The following ZFPM2 variants were observed in gnomAD, a reference collection of about 807,000 sequenced individuals.
ZFPM2 encodes the protein zinc finger protein, FOG family member 2.
In ZFPM2, 20 loss-of-function variants were observed where a neutral mutation model predicts 98.6. That is an observed-to-expected ratio of 0.20 (90% CI 0.14 to 0.29). The LOEUF (loss-of-function observed/expected upper bound fraction) is 0.29. Among genes scored for constraint, ZFPM2 ranks in the 10% least tolerant of loss-of-function variants. The pLI is 1.00. For missense variants in ZFPM2, 1,310 were observed against 1,388.6 expected (o/e 0.94, Z 0.90); for synonymous variants, 518 against 502.7 (o/e 1.03, Z -0.41).
intron 1 of ZFPM2, among the ~76,000 whole-genome samples, chr8:105,413,690 G>A (rs75237652): frequency 0.021 from 3,146 of 151,686 alleles, 123 homozygotes; most frequent in African/African-American, 0.07. Context: ...ACAGGAGCTG[G>A]CAACTTGGGA....
chr8:105,680,308 C>G (rs1586193818), intron 5 of ZFPM2, among the ~76,000 whole-genome samples: 1 of 152,170 alleles, frequency 6.6e-6, no homozygotes, highest in South Asian at 2.1e-4. Context: ...ACTGGCCTTG[C>G]TTATTTTAAG....
chr8:105,792,088 C>G (rs1813632411), intron 6 of ZFPM2, among the ~76,000 whole-genome samples: 1 of 152,024 alleles, frequency 6.6e-6, no homozygotes, highest in Admixed American at 6.6e-5. Flanking sequence ...TCTCTATTTC[C>G]TTCAGTTCTG....
chr8:105,693,967 C>CT (rs1395033253), intron 5 of ZFPM2, among the ~76,000 whole-genome samples: 1 of 128,054 alleles, frequency 7.8e-6, no homozygotes, highest in Non-Finnish European at 1.7e-5. Flanking sequence ...TTTTTCTTTT[C>CT]TTTTTTTCTT....
chr8:105,552,547 C>G (rs1814880633), intron 3 of ZFPM2, among the ~76,000 whole-genome samples: 1 of 152,126 alleles, frequency 6.6e-6, no homozygotes, highest in African/African-American at 2.4e-5. Flanking sequence ...TGAAAAGTCT[C>G]CAACGACCAC....
At chr8:105,729,582 C>T (rs983186491) in intron 5 of ZFPM2, among the ~76,000 whole-genome samples, 2 of 151,604 alleles carry the variant, frequency 1.3e-5, no homozygotes, top group Non-Finnish European at 1.5e-5. Flanking sequence ...AACAACATTA[C>T]GCTAAGCATT....
chr8:105,795,738 T>G (rs1813784982), intron 6 of ZFPM2: 1 of 430,880 alleles, frequency 2.3e-6, no homozygotes, highest in Non-Finnish European at 4.5e-6. Flanking sequence ...TAACTTAGTT[T>G]GTATTTTTGT....
At chr8:105,660,178 G>T (rs373682164) in intron 5 of ZFPM2, among the ~76,000 whole-genome samples, 1 of 151,922 alleles carries the variant, frequency 6.6e-6, no homozygotes, top group South Asian at 2.1e-4. Flanking sequence ...TCATCCTTGG[G>T]CTTAAAGGAC....
At chr8:105,662,975 A>G (rs539435526) in intron 5 of ZFPM2, 1 of 152,254 alleles carries the variant, frequency 6.6e-6, no homozygotes, top group East Asian at 1.9e-4. Context: ...AGAATGTTCT[A>G]TTATCTTTCA....
At chr8:105,403,355 T>C (rs1237210224) in intron 1 of ZFPM2, among the ~76,000 whole-genome samples, 3 of 152,082 alleles carry the variant, frequency 2.0e-5, no homozygotes, top group African/African-American at 7.2e-5. Context: ...CTGTTGTTAT[T>C]ATTTTCTGCA....
At position 105,318,775 on chromosome 8, in the gene ZFPM2, TC is replaced by T. The variant is rs2130634848; in HGVS notation, c.-165del. 5.8e-6 allele frequency: 1 copy of T among 171,866 alleles called. No individual in the cohort carries two copies. Among genetic ancestry groups the T allele is most frequent in the African/African-American group, 2.4e-5 (1 of 41,058 alleles). 10.6% of individuals were successfully genotyped at this position (171,866 alleles called of 1,614,324 possible). On this transcript the variant is annotated 5_prime_UTR_variant, in exon 1 of 8. Coordinates refer to ENST00000407775, the MANE Select transcript of ZFPM2 (RefSeq NM_012082.4). ...TTGCTTGCTCATCTCCGAACGTGAA[TC>T]CGCGGCTCCCGGAGGAGCCCAGCGC... is the stretch of plus-strand genomic sequence containing the variant.
intron 5 of ZFPM2, among the ~76,000 whole-genome samples, chr8:105,707,918 A>G (rs1811299879): frequency 6.6e-6 from 1 of 152,190 alleles, no homozygotes; most frequent in Non-Finnish European, 1.5e-5. Flanking sequence ...TGCTTTTTGA[A>G]AGAATAATCC....
At chr8:105,455,942 A>G (rs1433699598) in intron 3 of ZFPM2, among the ~76,000 whole-genome samples, 1 of 152,142 alleles carries the variant, frequency 6.6e-6, no homozygotes, top group Non-Finnish European at 1.5e-5. Context: ...GAGAGTTAGC[A>G]GTGTACTCAT....
chr8:105,393,330 C>CTGCCTTTCTTTCTTTCTT (rs1245789213), intron 1 of ZFPM2, among the ~76,000 whole-genome samples: 47 of 132,818 alleles, frequency 3.5e-4, no homozygotes, highest in Non-Finnish European at 5.5e-4. Context: ...CCCTCTCTCT[C>CTGCCTTTCTTTCTTTCTT]TCTTTGCCTT....
At chr8:105,561,752 C>T (rs1257198139) in intron 4 of ZFPM2, among the ~76,000 whole-genome samples, 2 of 152,060 alleles carry the variant, frequency 1.3e-5, no homozygotes, top group Non-Finnish European at 2.9e-5. Flanking sequence ...CTTAGCCAGA[C>T]CAAGACTGTT....
chr8:105,378,652 A>G (rs897199486), intron 1 of ZFPM2, among the ~76,000 whole-genome samples: 7 of 152,314 alleles, frequency 4.6e-5, no homozygotes, highest in African/African-American at 1.7e-4. Flanking sequence ...TTCTTTTAAT[A>G]ATGAAACTAC....
intron 2 of ZFPM2, among the ~76,000 whole-genome samples, chr8:105,435,858 G>T (rs1343678712): frequency 1.3e-5 from 2 of 152,056 alleles, no homozygotes; most frequent in Non-Finnish European, 2.9e-5. Context: ...TAAATTATTT[G>T]TAATCACTTA....
intron 3 of ZFPM2, among the ~76,000 whole-genome samples, chr8:105,464,787 T>TG (rs1292235002): frequency 6.6e-6 from 1 of 152,060 alleles, no homozygotes; most frequent in East Asian, 1.9e-4. Context: ...TTGGTCAGTC[T>TG]GGGCAAACAA....
intron 5 of ZFPM2, among the ~76,000 whole-genome samples, chr8:105,687,995 C>T (rs917320300): frequency 1.3e-5 from 2 of 151,842 alleles, no homozygotes; most frequent in African/African-American, 2.4e-5. Context: ...GGGTAAGTGG[C>T]ATCAAAGGGG....
intron 4 of ZFPM2, among the ~76,000 whole-genome samples, chr8:105,581,050 T>A (rs1249984138): frequency 6.6e-6 from 1 of 152,080 alleles, no homozygotes; most frequent in Non-Finnish European, 1.5e-5. Flanking sequence ...TTCACTAATA[T>A]CTTCTTCATG....
Sources: allele counts gnomAD v4.1 joint callset (sites outside exome capture counted in the v4.1 genomes callset), GRCh38; gene constraint gnomAD v4.1.1; transcripts MANE v1.5; gene names NCBI Gene and HGNC (gene_info 2026-07-23, HGNC 2026-07-21).